Variants in KLK13 observed in about 807,000 individuals in gnomAD.
KLK13 encodes kallikrein-13.
Under a neutral mutation model 22.4 loss-of-function variants are expected in KLK13, and 19 were observed. The ratio of observed to expected loss-of-function variants is 0.85; its 90% CI spans 0.59 to 1.24. The LOEUF is 1.24. Ranked by LOEUF, KLK13 falls within the 50% of genes most tolerant of loss-of-function variation. The pLI, the probability that KLK13 is intolerant of heterozygous loss-of-function variation, is 0.00. For synonymous variants in KLK13, 156 were observed against 141.8 expected, an observed-to-expected ratio of 1.10 and a Z score of -0.71; for missense variants, 311 against 347.9, an observed-to-expected ratio of 0.89 and a Z score of 0.84.
chr19:51,057,302 T>C (rs1433767181), intron 4 of KLK13, among the ~76,000 whole-genome samples: 2 of 152,310 alleles, frequency 1.3e-5, no homozygotes, highest in South Asian at 4.1e-4. Context: ...GCACATATCA[T>C]TAATATAGTA....
intron 1 of KLK13, chr19:51,064,512 G>C: frequency 3.0e-6 from 1 of 337,666 alleles, no homozygotes; most frequent in Non-Finnish European, 5.7e-6. Context: ...AAAAAAAAAG[G>C]AATACTACTA....
At chr19:51,060,335 A>C in intron 2 of KLK13, 98 bp downstream of exon 2, 1 of 1,314,456 alleles carries the variant, frequency 7.6e-7, no homozygotes, top group African/African-American at 1.5e-5. Flanking sequence ...TCCATCCCCA[A>C]CCCTAACTCC....
At chr19:51,065,348 C>T (rs1272263677), upstream of KLK13, among the ~76,000 whole-genome samples, 1 of 152,164 alleles carries the variant, frequency 6.6e-6, no homozygotes, top group African/African-American at 2.4e-5. Flanking sequence ...CCTCCCCTGC[C>T]CTCTGGCGAG....
In KLK13 at chr19:51,065,022, A is replaced by G; in HGVS notation, c.46T>C (p.Ser16Pro). The G allele has an allele frequency of 6.6e-7, 1 of 1,525,892 alleles. No homozygotes were observed. The highest frequency in any genetic ancestry group is 8.8e-7 in the Non-Finnish European group (1 of 1,131,830). The allele number at this position is 1,525,892 out of a possible 1,614,324, so 94.5% of individuals were successfully genotyped here. The change falls in exon 1 of 5, where the codon TCA (serine) becomes CCA (proline). Residue 16 changes from serine to proline, a missense_variant. Ser to Pro is a moderately conservative substitution (Grantham distance 74, BLOSUM62 -1). Transcript: ENST00000595793. ...CACCCCCGCGCATTCTTACCTCCTG[A>G]CAAGGCCAAGGTCAGGGAGGCGATC... ...LVIASLTLAL[S>P]GGVSQESSKV...
Position 51,065,007 on chromosome 19 carries a change from C to G in KLK13, c.52+9G>C, listed in dbSNP as rs1424355824. Reference sequence around the variant, plus strand: ...TGGCCGCCGCGCCTCCACCCCCGCGCATTCTTACCTCCTGACAAGGCCAAG... The same window carrying G: ...TGGCCGCCGCGCCTCCACCCCCGCGGATTCTTACCTCCTGACAAGGCCAAG... On this transcript the variant is annotated intron_variant, in intron 1 of 4. Transcript: ENST00000595793. 6.7e-7 allele frequency: 1 copy of G among 1,485,232 alleles called. No homozygotes were observed. The highest frequency in any genetic ancestry group is 1.4e-5 in the African/African-American group (1 of 70,872). 92.0% of individuals were successfully genotyped at this position (1,485,232 alleles called of 1,614,324 possible).
intron 4 of KLK13, among the ~76,000 whole-genome samples, chr19:51,057,549 C>G (rs988184369): frequency 3.9e-5 from 6 of 152,124 alleles, no homozygotes; most frequent in African/African-American, 1.4e-4. Context: ...CTCACTGCAG[C>G]CTTGAACTCC....
At chr19:51,064,953 G>A in intron 1 of KLK13, 63 bp downstream of exon 1, 2 of 1,264,896 alleles carry the variant, frequency 1.6e-6, no homozygotes, top group Non-Finnish European at 2.2e-6. Context: ...CTCCCCCTCC[G>A]GCCTGACCCC....
rs1025788489 is a variant in KLK13, at chr19:51,055,933, G to T, written c.*654C>A. On this transcript the variant is annotated 3_prime_UTR_variant, in exon 5 of 5. Transcript: ENST00000595793. ...GCCATTGATTCAGAGAGGGAATGTTGGCAGAGGTGGGGTATTGGAAGAATG... is the reference window on the plus strand; with the variant it reads ...GCCATTGATTCAGAGAGGGAATGTTTGCAGAGGTGGGGTATTGGAAGAATG... Among the ~76,000 whole-genome samples the T allele has an allele frequency of 2.0e-5, 3 of 152,296 alleles. No individual in the cohort carries two copies. Among genetic ancestry groups the T allele is most frequent in the Admixed American group, 6.5e-5 (1 of 15,308 alleles).
intron 1 of KLK13, among the ~76,000 whole-genome samples, chr19:51,063,432 G>C (rs1004969003): frequency 6.6e-6 from 1 of 152,128 alleles, no homozygotes; most frequent in African/African-American, 2.4e-5. Context: ...TATAAAAATG[G>C]TTTTCAGAGC....
Position 51,064,040 on chromosome 19 carries a change from G to T in KLK13, c.52+976C>A, listed in dbSNP as rs566115164. ...GAATGAATAAATGATTCATGAACGG[G>T]GTTTCCAGAGAACCTGCCTACAACG... On this transcript the variant is annotated intron_variant, in intron 1 of 4. Transcript: ENST00000595793. 2.0e-5 allele frequency among the ~76,000 whole-genome samples: 3 copies of T among 152,254 alleles called. No homozygotes were observed. In the East Asian group the frequency reaches 5.8e-4, roughly 29 times the overall value.
chr19:51,058,505 T>G (rs1307646212), intron 4 of KLK13, 33 bp downstream of exon 4: 1 of 1,613,246 alleles, frequency 6.2e-7, no homozygotes, highest in Non-Finnish European at 8.5e-7. Flanking sequence ...CTTTCTATCC[T>G]GTCCAAGGCA....
At chr19:51,063,795 A>G (rs1165073790) in intron 1 of KLK13, 3 of 462,046 alleles carry the variant, frequency 6.5e-6, no homozygotes. Context: ...GCCCTTTGGG[A>G]AGGCCTCTGG....
rs1181879769 is a variant in KLK13 at position 51,055,765 on chromosome 19, G to A, written c.*822C>T. On this transcript the variant is annotated 3_prime_UTR_variant, in exon 5 of 5. Coordinates refer to ENST00000595793, the MANE Select transcript of KLK13 (RefSeq NM_015596.3). Reference sequence around the variant, plus strand: ...GCAAGGATTTGCACTACATTTTAGGGTCATGCACAAAGATGTAACAGCAAG... The same window carrying A: ...GCAAGGATTTGCACTACATTTTAGGATCATGCACAAAGATGTAACAGCAAG... 6.6e-6 allele frequency among the ~76,000 whole-genome samples: 1 copy of A among 152,166 alleles called. No homozygotes were observed. The highest frequency in any genetic ancestry group is 1.9e-4 in the East Asian group (1 of 5,202).
intron 1 of KLK13, 104 bp downstream of exon 1, chr19:51,064,912 C>CG: frequency 3.3e-6 from 3 of 919,282 alleles, no homozygotes; most frequent in East Asian, 2.8e-5. Flanking sequence ...CCCGAGTGGG[C>CG]GGGGGGCGGA....
intron 2 of KLK13, 134 bp from the exon 3 acceptor site, chr19:51,060,227 C>A: frequency 8.5e-7 from 1 of 1,170,312 alleles, no homozygotes; most frequent in Non-Finnish European, 1.2e-6. Context: ...TACATCTCCC[C>A]CATCCTCAAC....
intron 4 of KLK13, among the ~76,000 whole-genome samples, chr19:51,057,110 A>G (rs2091682666): frequency 6.9e-6 from 1 of 144,052 alleles, no homozygotes; most frequent in Non-Finnish European, 1.5e-5. Context: ...CTTCATACCC[A>G]TTTTTGTTTC....
rs923992282 is a variant in KLK13, at chr19:51,059,341, T to G, written c.508+484A>C. On this transcript the variant is annotated intron_variant, in intron 3 of 4. Transcript: ENST00000595793. ...AATATAAACATTTTATATGTATGAT[T>G]TATATATTATAAATGATAAAATTCA... 3.4e-5 allele frequency among the ~76,000 whole-genome samples: 5 copies of G among 147,602 alleles called. No homozygotes were observed. In the Admixed American group the frequency reaches 3.4e-4, roughly 10 times the overall value.
At chr19:51,065,264 G>T, upstream of KLK13, 1 of 519,068 alleles carries the variant, frequency 1.9e-6, no homozygotes, top group Non-Finnish European at 3.4e-6. Flanking sequence ...GGGGTGCAGT[G>T]GCGAGGTGGG....
At chr19:51,063,774 T>C (rs1234347811) in intron 1 of KLK13, 4 of 459,636 alleles carry the variant, frequency 8.7e-6, no homozygotes, top group Non-Finnish European at 1.8e-5. Flanking sequence ...AGGTCTTGGC[T>C]CAAGGGTCAA....
Sources: allele counts gnomAD v4.1 joint callset (sites outside exome capture counted in the v4.1 genomes callset), GRCh38; gene constraint gnomAD v4.1.1; transcripts MANE v1.5; gene names NCBI Gene and HGNC (gene_info 2026-07-23, HGNC 2026-07-21).